Variants in SHROOM3 observed in about 807,000 individuals in gnomAD.
The protein encoded by SHROOM3 is protein Shroom3.
SHROOM3 carries 47 observed loss-of-function variants against 138.6 expected under a neutral mutation model. That is an observed-to-expected ratio of 0.34 (90% CI 0.27 to 0.43). The LOEUF (loss-of-function observed/expected upper bound fraction) is 0.43, where lower values mean the gene tolerates loss of function less well. Among genes scored for constraint, SHROOM3 ranks in the 20% least tolerant of loss-of-function variants. The pLI, the probability that SHROOM3 is intolerant of heterozygous loss-of-function variation, is 1.00. For synonymous variants in SHROOM3, 1,062 were observed against 1,063.3 expected, an observed-to-expected ratio of 1.00 and a Z score of 0.02; for missense variants, 2,491 against 2,596.5, an observed-to-expected ratio of 0.96 and a Z score of 0.88.
At chr4:76,476,677 T>C (rs10213666) in intron 1 of SHROOM3, among the ~76,000 whole-genome samples, 7,820 of 152,290 alleles carry the variant, frequency 0.051, 245 homozygotes, top group African/African-American at 0.083. Context: ...TATTTTTTGG[T>C]TACTAAAACA....
At position 76,740,466 on chromosome 4, in the gene SHROOM3, A is replaced by G; in HGVS notation, c.2293A>G (p.Ser765Gly). 3 of 1,611,574 alleles carry G rather than the reference A, an allele frequency of 1.9e-6. No homozygotes were observed. The highest frequency in any genetic ancestry group is 2.5e-6 in the Non-Finnish European group (3 of 1,178,570). The change falls in exon 5 of 11, where the codon AGC becomes GGC. Residue 765 changes from serine to glycine, a missense_variant. Transcript: ENST00000296043. The surrounding 1 kb of genome is among the most constrained non-coding windows in gnomAD (Gnocchi z 4.0). ...SLGRRGPGPG[S>G]ASALQGFQYG... ...GGGCCGGAGGGGGCCCGGCCCAGGC[A>G]GCGCCTCGGCTCTTCAGGGCTTTCA...
Position 76,760,495 on chromosome 4 carries a change from G to A in SHROOM3, c.5349+800G>A, listed in dbSNP as rs540177012. Among the ~76,000 whole-genome samples the A allele has an allele frequency of 1.4e-4, 21 of 152,324 alleles. 1 individual carries two copies. The South Asian group carries it at 3.3e-3, about 24-fold the overall frequency. On this transcript the variant is annotated intron_variant, in intron 9 of 10. Coordinates refer to ENST00000296043, the MANE Select transcript of SHROOM3 (RefSeq NM_020859.4). The stretch of plus-strand genomic sequence containing the variant: ...GCTTGCTTCTTGCTGAGCCTGGAAG[G>A]TAAGTGGTTTTCAGTGATCCTGATT...
intron 2 of SHROOM3, among the ~76,000 whole-genome samples, chr4:76,589,360 G>A (rs570616661): frequency 1.2e-4 from 19 of 152,184 alleles, no homozygotes; most frequent in South Asian, 4.2e-4. Context: ...CCAGCTAATC[G>A]GGAGGCTGAG....
At chr4:76,667,976 A>AAAAAT (rs2110096390) in intron 2 of SHROOM3, among the ~76,000 whole-genome samples, 1 of 144,718 alleles carries the variant, frequency 6.9e-6, no homozygotes, top group East Asian at 2.0e-4. Context: ...CAAAAAAAAA[A>AAAAAT]AAAAAAAAAA....
chr4:76,739,398 C>A lies in SHROOM3; in HGVS notation c.1225C>A (p.Gln409Lys). 6.2e-7 allele frequency: 1 copy of A among 1,614,132 alleles called. No individual in the cohort carries two copies. The highest frequency in any genetic ancestry group is 1.7e-5 in the Admixed American group (1 of 60,026). ...ERPSSWSSLD[Q>K]KRLCRPQANS... ...GCCCAGCTCCTGGTCTAGCCTTGATCAGAAACGGCTCTGCCGGCCTCAGGC... is the reference window on the plus strand; with the variant it reads ...GCCCAGCTCCTGGTCTAGCCTTGATAAGAAACGGCTCTGCCGGCCTCAGGC... Residue 409 changes from glutamine (Q) to lysine (K), a missense_variant, in exon 5 of 11, where the codon CAG becomes AAG. This residue lies in a region of SHROOM3 where 1,733 missense variants were observed against 1,661.6 expected (regional missense o/e 1.04). Transcript: ENST00000296043.
At chr4:76,583,209 A>G (rs537651310) in intron 2 of SHROOM3, among the ~76,000 whole-genome samples, 2 of 152,280 alleles carry the variant, frequency 1.3e-5, no homozygotes, top group South Asian at 4.1e-4. Flanking sequence ...ATTCCAGTGT[A>G]AAGAACATCC....
chr4:76,763,813 T>A (rs1305169128), intron 9 of SHROOM3, among the ~76,000 whole-genome samples: 1 of 152,344 alleles, frequency 6.6e-6, no homozygotes, highest in East Asian at 1.9e-4. Flanking sequence ...CATTTACATA[T>A]CTGATTTGGA....
rs1721764660 is a variant in SHROOM3, at chr4:76,755,161, G to T, written c.4678G>T (p.Asp1560Tyr). 1 of 1,613,784 alleles carries T rather than the reference G, an allele frequency of 6.2e-7. No homozygotes were observed. Among genetic ancestry groups the T allele is most frequent in the African/African-American group, 1.3e-5 (1 of 74,848 alleles). The change falls in exon 7 of 11, where the codon GAC becomes TAC. Residue 1560 changes from aspartate to tyrosine, a missense_variant. Physicochemically the swap from Asp to Tyr is radical, Grantham distance 160 (BLOSUM62 -3). Around this residue, in one of 4 missense-constraint regions of SHROOM3, gnomAD observed 470 missense variants for 595.0 expected, o/e 0.79. Transcript: ENST00000296043. ...PPHTVCEAQL[D>Y]SEDPEGPRPS... ...CCACACTGTATGTGAGGCGCAGCTG[G>T]ACAGTGAGGATCCCGAGGGGCCACG...
intron 1 of SHROOM3, among the ~76,000 whole-genome samples, chr4:76,479,384 G>A (rs1284086507): frequency 6.6e-6 from 1 of 151,752 alleles, no homozygotes; most frequent in Non-Finnish European, 1.5e-5. Flanking sequence ...GGATATCAGA[G>A]ACTGAAGATC....
intron 2 of SHROOM3, among the ~76,000 whole-genome samples, chr4:76,700,853 T>A (rs1333887207): frequency 6.6e-6 from 1 of 152,088 alleles, no homozygotes; most frequent in African/African-American, 2.4e-5. Flanking sequence ...TGATCTCAGC[T>A]CATTGCAACC....
At chr4:76,444,146 C>T (rs1000975711) in intron 1 of SHROOM3, among the ~76,000 whole-genome samples, 1 of 152,008 alleles carries the variant, frequency 6.6e-6, no homozygotes, top group African/African-American at 2.4e-5. Flanking sequence ...AACTCCTCAG[C>T]TCAAGTGATC....
At position 76,770,514 on chromosome 4, in the gene SHROOM3, G is replaced by T. The variant is rs1313120495; in HGVS notation, c.5350-112G>T. On this transcript the variant is annotated intron_variant, in intron 9 of 10. Transcript: ENST00000296043. The stretch of plus-strand genomic sequence containing the variant: ...GGGGACACTCCATATAGAGAAGGGG[G>T]AGGATATTCAGCTGAGCCTTGAAGA... 14 of 1,264,400 alleles carry T rather than the reference G, an allele frequency of 1.1e-5. No homozygotes were observed. The Admixed American group carries it at 2.5e-4, about 23-fold the overall frequency. The allele number at this position is 1,264,400 out of a possible 1,614,324, so 78.3% of individuals were successfully genotyped here. A position where few individuals can be genotyped will look rare whatever the true frequency, so the allele number is the denominator to read the frequency against.
chr4:76,504,425 C>G lies in SHROOM3; in HGVS notation c.169-51184C>G, dbSNP rs368472348. 3.3e-5 allele frequency among the ~76,000 whole-genome samples: 5 copies of G among 152,288 alleles called. No individual in the cohort carries two copies. In the South Asian group the frequency reaches 8.3e-4, roughly 25 times the overall value. On this transcript the variant is annotated intron_variant, in intron 1 of 10. Coordinates refer to ENST00000296043, the MANE Select transcript of SHROOM3 (RefSeq NM_020859.4). Reference sequence around the variant, plus strand: ...CCACCTGCCTCGGCCTCCCAAAGTGCTGGAATTACAGGCGTGCGCCAAAAT... The same window carrying G: ...CCACCTGCCTCGGCCTCCCAAAGTGGTGGAATTACAGGCGTGCGCCAAAAT...
intron 1 of SHROOM3, among the ~76,000 whole-genome samples, chr4:76,538,347 A>T (rs144727390): frequency 1.3e-3 from 196 of 152,342 alleles, no homozygotes; most frequent in Middle Eastern, 6.8e-3. Context: ...CAATAACAAG[A>T]GCTAGAGTCT....
intron 4 of SHROOM3, among the ~76,000 whole-genome samples, chr4:76,736,422 C>T (rs530674729): frequency 6.6e-6 from 1 of 152,276 alleles, no homozygotes; most frequent in Admixed American, 6.5e-5. Flanking sequence ...AGGAGAGCTG[C>T]TGAAAGTGTA....
chr4:76,668,984 A>C (rs1326655507), intron 2 of SHROOM3, among the ~76,000 whole-genome samples: 1 of 152,164 alleles, frequency 6.6e-6, no homozygotes, highest in Non-Finnish European at 1.5e-5. Flanking sequence ...GTGCACAAGC[A>C]TATTGCATTT....
chr4:76,760,826 AC>A (rs769716855), intron 9 of SHROOM3, among the ~76,000 whole-genome samples: 8 of 152,220 alleles, frequency 5.3e-5, no homozygotes, highest in Non-Finnish European at 1.0e-4. Flanking sequence ...AAATAAGACC[AC>A]TTGGCTTTTG....
intron 1 of SHROOM3, among the ~76,000 whole-genome samples, chr4:76,537,622 G>T (rs1733007543): frequency 1.3e-5 from 2 of 152,074 alleles, no homozygotes. Context: ...ATTAGAAAAG[G>T]TAGAGCAATT....
At position 76,723,066 on chromosome 4, in the gene SHROOM3, A is replaced by G. The variant is rs908306257; in HGVS notation, c.456-7738A>G. Among the ~76,000 whole-genome samples the G allele has an allele frequency of 2.6e-5, 4 of 152,046 alleles. No individual in the cohort carries two copies. In the East Asian group the frequency reaches 7.7e-4, roughly 29 times the overall value. On this transcript the variant is annotated intron_variant, in intron 3 of 10. Transcript: ENST00000296043. Reference sequence around the variant, plus strand: ...CATGTGTCATAACAGTTCGTTAAAGAATAGCATCAACAAAAAAATTAGTTC... The same window carrying G: ...CATGTGTCATAACAGTTCGTTAAAGGATAGCATCAACAAAAAAATTAGTTC...
Sources: gnomAD v4.1 joint callset for allele counts (sites outside exome capture counted in the v4.1 genomes callset) on GRCh38, gnomAD v4.1.1 for gene constraint, gnomAD v4.1.1 regional missense constraint, Gnocchi (gnomAD v3.1) non-coding constraint, MANE v1.5 for transcripts, NCBI Gene and HGNC (gene_info 2026-07-23, HGNC 2026-07-21) for gene names.